CTNNA3: variants seen among roughly 807,000 people sequenced by gnomAD.
The protein encoded by CTNNA3 is catenin alpha-3.
A neutral mutation model predicts 95.7 loss-of-function variants in CTNNA3; 76 were observed. The observed-to-expected ratio is 0.79, with a 90% CI of 0.66 to 0.96. The LOEUF is 0.96. CTNNA3 is among the 40% of genes least tolerant of loss of function. The probability of loss-of-function intolerance (pLI) is 0.00; values close to 1 mark genes in which losing one functional copy is unlikely to be tolerated. For missense variants in CTNNA3, 1,191 were observed against 1,089.8 expected, an observed-to-expected ratio of 1.09 and a Z score of -1.31; for synonymous variants, 431 against 374.4, an observed-to-expected ratio of 1.15 and a Z score of -1.74.
intron 16 of CTNNA3, among the ~76,000 whole-genome samples, chr10:65,968,643 A>C (rs1243715483): frequency 1.3e-5 from 2 of 152,156 alleles, no homozygotes; most frequent in African/African-American, 4.8e-5. Flanking sequence ...ATGTTTGCTC[A>C]GATTGACAGC....
intron 5 of CTNNA3, among the ~76,000 whole-genome samples, chr10:67,228,200 A>G (rs1865018663): frequency 6.6e-6 from 1 of 152,218 alleles, no homozygotes; most frequent in East Asian, 1.9e-4. Context: ...AATGAAATCG[A>G]AACAAAATGA....
chr10:66,641,647 C>G (rs1048611885), intron 9 of CTNNA3, among the ~76,000 whole-genome samples: 1 of 152,056 alleles, frequency 6.6e-6, no homozygotes, highest in African/African-American at 2.4e-5. Context: ...GCTTACTGCT[C>G]TTTTTCATTG....
At chr10:66,534,228 G>T (rs867768261) in intron 10 of CTNNA3, among the ~76,000 whole-genome samples, 4 of 151,886 alleles carry the variant, frequency 2.6e-5, no homozygotes, top group Non-Finnish European at 5.9e-5. Context: ...GTTAGCTAGA[G>T]GTCAGAACAG....
chr10:66,007,730 CTT>C (rs2078919718), intron 15 of CTNNA3, among the ~76,000 whole-genome samples: 5 of 110,812 alleles, frequency 4.5e-5, no homozygotes, highest in Non-Finnish European at 9.0e-5. Flanking sequence ...CCCTCCCTTT[CTT>C]CCTCCCTACC....
chr10:67,264,920 C>T (rs1866760133), intron 5 of CTNNA3, among the ~76,000 whole-genome samples: 2 of 151,998 alleles, frequency 1.3e-5, no homozygotes, highest in South Asian at 4.1e-4. Flanking sequence ...ATGAAAAATC[C>T]AATTCTAGTG....
At position 67,079,430 on chromosome 10, in the gene CTNNA3, G is replaced by C. The variant is rs114726785; in HGVS notation, c.1047+100887C>G. 9.5e-3 allele frequency among the ~76,000 whole-genome samples: 1,441 copies of C among 152,240 alleles called. 15 individuals are homozygous for C. The highest frequency in any genetic ancestry group is 0.03 in the African/African-American group (1,265 of 41,548). On this transcript the variant is annotated intron_variant, in intron 7 of 17. Transcript: ENST00000433211. Reference sequence around the variant, plus strand: ...ATCTACATAAAACATTTATTTCTAAGTTTAGAAAACCCCAATAAAGCCAAT... The same window carrying C: ...ATCTACATAAAACATTTATTTCTAACTTTAGAAAACCCCAATAAAGCCAAT...
intron 12 of CTNNA3, among the ~76,000 whole-genome samples, chr10:66,287,340 G>T: frequency 6.6e-6 from 1 of 152,218 alleles, no homozygotes; most frequent in South Asian, 2.1e-4. Flanking sequence ...TTACTTTACT[G>T]TATGTGTTTT....
At chr10:65,926,114 T>C (rs377431536) in intron 17 of CTNNA3, among the ~76,000 whole-genome samples, 2 of 150,884 alleles carry the variant, frequency 1.3e-5, no homozygotes, top group East Asian at 1.9e-4. Flanking sequence ...TGTGAAATTT[T>C]TCAATTGGTA....
At chr10:66,354,551 A>C (rs1463275810) in intron 12 of CTNNA3, among the ~76,000 whole-genome samples, 1 of 152,112 alleles carries the variant, frequency 6.6e-6, no homozygotes, top group Admixed American at 6.5e-5. Flanking sequence ...ATCTATTTGC[A>C]ACAAAATATT....
chr10:66,737,358 T>A (rs992325503), intron 9 of CTNNA3, among the ~76,000 whole-genome samples: 5 of 152,172 alleles, frequency 3.3e-5, no homozygotes, highest in Admixed American at 3.3e-4. Context: ...TAAAAATCTT[T>A]ATGTTGAACT....
intron 7 of CTNNA3, among the ~76,000 whole-genome samples, chr10:67,022,333 C>G (rs1564837339): frequency 6.6e-6 from 1 of 151,400 alleles, no homozygotes; most frequent in Non-Finnish European, 1.5e-5. Context: ...ACACATGCCT[C>G]TGTGTGTGTG....
intron 12 of CTNNA3, among the ~76,000 whole-genome samples, chr10:66,345,386 T>C (rs1410969468): frequency 3.3e-5 from 5 of 152,136 alleles, no homozygotes; most frequent in Non-Finnish European, 7.4e-5. Context: ...CTCATTTCCA[T>C]ATTGATTTTG....
At chr10:66,873,200 A>G (rs1455250914) in intron 7 of CTNNA3, among the ~76,000 whole-genome samples, 1 of 152,174 alleles carries the variant, frequency 6.6e-6, no homozygotes, top group Non-Finnish European at 1.5e-5. Flanking sequence ...CTTTGGGTAT[A>G]TATACCCAGT....
rs569553765 is a variant in CTNNA3, at chr10:67,218,857, A to G, written c.843+750T>C. On this transcript the variant is annotated intron_variant, in intron 6 of 17. Transcript: ENST00000433211. The stretch of plus-strand genomic sequence containing the variant: ...TTCAGTCTATGTTCCTTATGCAACT[A>G]TCATAGTCCTTTTAAGACACGAGTC... Among the ~76,000 whole-genome samples, 11 of 152,268 alleles carry G rather than the reference A, an allele frequency of 7.2e-5. No homozygotes were observed. In the South Asian group the frequency reaches 2.3e-3, roughly 32 times the overall value.
chr10:66,462,758 T>C (rs1564987179), intron 11 of CTNNA3, among the ~76,000 whole-genome samples: 1 of 152,116 alleles, frequency 6.6e-6, no homozygotes, highest in East Asian at 1.9e-4. Context: ...AGGAAACTGA[T>C]ATTTAATGAT....
intron 1 of CTNNA3, among the ~76,000 whole-genome samples, chr10:67,674,395 T>C (rs1239964622): frequency 6.6e-6 from 1 of 152,110 alleles, no homozygotes; most frequent in Non-Finnish European, 1.5e-5. Context: ...CCTCCAGAAC[T>C]GTGAAAAAAT....
At chr10:67,169,033 C>G (rs1177204092) in intron 7 of CTNNA3, among the ~76,000 whole-genome samples, 1 of 152,122 alleles carries the variant, frequency 6.6e-6, no homozygotes, top group East Asian at 1.9e-4. Flanking sequence ...CAATCTGATT[C>G]ACAATTGCCA....
intron 7 of CTNNA3, among the ~76,000 whole-genome samples, chr10:66,912,986 TC>T (rs1186436286): frequency 6.6e-6 from 1 of 151,848 alleles, no homozygotes; most frequent in Non-Finnish European, 1.5e-5. Flanking sequence ...ATGCCTGTAA[TC>T]CCAGCACTTT....
intron 13 of CTNNA3, among the ~76,000 whole-genome samples, chr10:66,144,207 C>T (rs2083759629): frequency 6.6e-6 from 1 of 152,156 alleles, no homozygotes; most frequent in South Asian, 2.1e-4. Flanking sequence ...GAATTTATCG[C>T]AACTACCTCA....
Sources: gnomAD v4.1 joint callset for allele counts (sites outside exome capture counted in the v4.1 genomes callset) on GRCh38, gnomAD v4.1.1 for gene constraint, MANE v1.5 for transcripts, NCBI Gene and HGNC (gene_info 2026-07-23, HGNC 2026-07-21) for gene names.